SCOC: variants seen among roughly 807,000 people sequenced by gnomAD.
SCOC encodes the protein short coiled coil protein.
In SCOC, 7 loss-of-function variants were observed where a neutral mutation model predicts 9.9. The observed-to-expected ratio is 0.71, with a 90% CI of 0.40 to 1.33. The LOEUF is 1.33. Ranked by LOEUF, SCOC falls within the 40% of genes most tolerant of loss-of-function variation. The pLI is 0.01. For missense variants in SCOC, 66 were observed against 89.7 expected (o/e 0.74, Z 1.07); for synonymous variants, 19 against 28.2 (o/e 0.67, Z 1.03).
At chr4:140,289,209 TG>T (rs1731396702) in intron 1 of SCOC, among the ~76,000 whole-genome samples, 1 of 151,598 alleles carries the variant, frequency 6.6e-6, no homozygotes, top group Non-Finnish European at 1.5e-5. Flanking sequence ...TCATAGAGAG[TG>T]ATATTAAGGA....
intron 2 of SCOC, among the ~76,000 whole-genome samples, chr4:140,348,141 T>C (rs1726818395): frequency 7.1e-6 from 1 of 141,228 alleles, no homozygotes; most frequent in Admixed American, 6.8e-5. Flanking sequence ...TTACCTCACA[T>C]AGTTATTTTT....
chr4:140,267,217 G>T (rs890239182), intron 1 of SCOC, among the ~76,000 whole-genome samples: 3 of 152,222 alleles, frequency 2.0e-5, no homozygotes, highest in African/African-American at 7.2e-5. Flanking sequence ...AGGTAGCACT[G>T]GGTGGGAGGC....
At chr4:140,346,326 CG>C (rs1263722462) in intron 2 of SCOC, among the ~76,000 whole-genome samples, 2 of 152,084 alleles carry the variant, frequency 1.3e-5, no homozygotes, top group Non-Finnish European at 2.9e-5. Flanking sequence ...CAGCCGAGTG[CG>C]GTATTGGAAG....
In SCOC at chr4:140,292,095, T is replaced by A. The variant is rs377591798; in HGVS notation, c.-19+34685T>A. Reference sequence around the variant, plus strand: ...CTGCCTTCTTTTGATTGTGGCAGCATCCTCATTGACTGACCATCTCTGTTG... The same window carrying A: ...CTGCCTTCTTTTGATTGTGGCAGCAACCTCATTGACTGACCATCTCTGTTG... On this transcript the variant is annotated intron_variant, in intron 1 of 4. Transcript: ENST00000394205. Among the ~76,000 whole-genome samples the A allele has an allele frequency of 1.5e-3, 232 of 151,932 alleles. 1 individual carries two copies. In the Middle Eastern group the frequency reaches 0.021, roughly 14 times the overall value.
chr4:140,368,878 G>A (rs1363867951), upstream of SCOC, among the ~76,000 whole-genome samples: 1 of 152,138 alleles, frequency 6.6e-6, no homozygotes, highest in Admixed American at 6.5e-5. Context: ...CTTCTTGCAT[G>A]ACTCAGCTTT....
intron 1 of SCOC, among the ~76,000 whole-genome samples, chr4:140,271,480 AG>A (rs1245035257): frequency 6.6e-6 from 1 of 152,224 alleles, no homozygotes; most frequent in East Asian, 1.9e-4. Context: ...GATGTGCAAA[AG>A]GTTTGGCACT....
At chr4:140,380,330 T>G (rs569339837) in intron 3 of SCOC, among the ~76,000 whole-genome samples, 1 of 151,710 alleles carries the variant, frequency 6.6e-6, no homozygotes, top group Non-Finnish European at 1.5e-5. Context: ...CCCGAGTAGC[T>G]GGGATTACAG....
At chr4:140,332,363 T>G (rs1469921220) in intron 1 of SCOC, among the ~76,000 whole-genome samples, 1 of 78,326 alleles carries the variant, frequency 1.3e-5, no homozygotes, top group Non-Finnish European at 2.3e-5. Flanking sequence ...AGTCATCTTT[T>G]TTTTTTTTTT....
upstream of SCOC, among the ~76,000 whole-genome samples, chr4:140,371,727 T>C (rs116810946): frequency 2.0e-5 from 3 of 152,348 alleles, no homozygotes; most frequent in Non-Finnish European, 4.4e-5. Context: ...AGAATTACCA[T>C]ATGATTCAGC....
intron 1 of SCOC, among the ~76,000 whole-genome samples, chr4:140,298,434 T>C (rs1376374685): frequency 6.6e-6 from 1 of 152,264 alleles, no homozygotes; most frequent in African/African-American, 2.4e-5. Context: ...TGGGATCATG[T>C]TGCTTTCCTG....
chr4:140,364,027 T>G (rs1290435873), intron 2 of SCOC, among the ~76,000 whole-genome samples: 1 of 152,140 alleles, frequency 6.6e-6, no homozygotes, highest in East Asian at 1.9e-4. Flanking sequence ...ATAAATGAAT[T>G]CAGCTTAAGA....
chr4:140,308,744 A>G (rs956748230), intron 1 of SCOC, among the ~76,000 whole-genome samples: 1 of 152,188 alleles, frequency 6.6e-6, no homozygotes, highest in Admixed American at 6.5e-5. Flanking sequence ...TCTGGAGAAA[A>G]GCAAAGCTGC....
In SCOC at chr4:140,289,314, C is replaced by G. The variant is rs576565575; in HGVS notation, c.-19+31904C>G. 9.8e-5 allele frequency among the ~76,000 whole-genome samples: 15 copies of G among 152,294 alleles called. 1 individual carries two copies. In the South Asian group the frequency reaches 2.7e-3, roughly 27 times the overall value. ...ACACTGCGTCCTAGAGAATGATGTC[C>G]CATCTCCTCTGAGCCAGCATATCAG... On this transcript the variant is annotated intron_variant, in intron 1 of 4. Transcript: ENST00000394205.
At chr4:140,374,169 G>A (rs1477184885) in intron 1 of SCOC, 4 of 459,672 alleles carry the variant, frequency 8.7e-6, no homozygotes, top group Non-Finnish European at 1.7e-5. Context: ...GGAGCCTAGA[G>A]AGCCGTAAAA....
At chr4:140,280,551 A>G (rs985243435) in intron 1 of SCOC, among the ~76,000 whole-genome samples, 2 of 152,182 alleles carry the variant, frequency 1.3e-5, no homozygotes, top group African/African-American at 2.4e-5. Flanking sequence ...AGAGCCTGCT[A>G]CAGAGCAGTC....
intron 1 of SCOC, among the ~76,000 whole-genome samples, chr4:140,289,980 A>G (rs1436809148): frequency 1.3e-5 from 2 of 152,196 alleles, no homozygotes; most frequent in African/African-American, 2.4e-5. Context: ...TTAATGCTAT[A>G]TGTCCATTGA....
intron 1 of SCOC, among the ~76,000 whole-genome samples, chr4:140,302,070 G>A (rs1276579263): frequency 6.6e-6 from 1 of 152,198 alleles, no homozygotes; most frequent in African/African-American, 2.4e-5. Context: ...CTGGGCTCAA[G>A]TGATTGGCCT....
intron 2 of SCOC, among the ~76,000 whole-genome samples, chr4:140,351,005 C>A (rs558190311): frequency 6.6e-6 from 1 of 151,184 alleles, no homozygotes; most frequent in Non-Finnish European, 1.5e-5. Flanking sequence ...GCCTGGCCAA[C>A]ATAGAGAAAC....
chr4:140,352,277 T>A (rs879632449), intron 2 of SCOC, among the ~76,000 whole-genome samples: 1 of 152,202 alleles, frequency 6.6e-6, no homozygotes, highest in East Asian at 1.9e-4. Context: ...AACAAGTATG[T>A]TAATTGCACC....
Sources: gnomAD v4.1 joint callset for allele counts (sites outside exome capture counted in the v4.1 genomes callset) on GRCh38, gnomAD v4.1.1 for gene constraint, MANE v1.5 for transcripts, NCBI Gene and HGNC (gene_info 2026-07-23, HGNC 2026-07-21) for gene names.